The following RBFOX1 variants were observed in gnomAD, a reference collection of about 807,000 sequenced individuals.
The protein encoded by RBFOX1 is RNA binding fox-1 homolog 1.
A neutral mutation model predicts 57.7 loss-of-function variants in RBFOX1; 8 were observed. The ratio of observed to expected loss-of-function variants is 0.14; its 90% CI spans 0.08 to 0.25. The LOEUF is 0.25. Among genes scored for constraint, RBFOX1 ranks in the 10% least tolerant of loss-of-function variants. The pLI, the probability that RBFOX1 is intolerant of heterozygous loss-of-function variation, is 1.00. For missense variants in RBFOX1, 611 were observed against 548.5 expected (o/e 1.11, Z -1.14); for synonymous variants, 326 against 222.4 (o/e 1.47, Z -4.15).
intron 1 of RBFOX1, among the ~76,000 whole-genome samples, chr16:6,085,650 T>TTGTGTGTGTGTG (rs71142678): frequency 0.011 from 1,665 of 150,572 alleles, 36 homozygotes; most frequent in Admixed American, 0.044. Flanking sequence ...CAGTGTGTGT[T>TTGTGTGTGTGTG]TGTGTGTGTG....
chr16:7,673,568 T>C (rs560140887), intron 13 of RBFOX1, among the ~76,000 whole-genome samples: 2 of 152,238 alleles, frequency 1.3e-5, no homozygotes, highest in East Asian at 1.9e-4. Context: ...CAAAATGCTT[T>C]ATTGGAGCAT....
At chr16:7,474,144 A>T (rs989268061) in intron 4 of RBFOX1, among the ~76,000 whole-genome samples, 9 of 152,050 alleles carry the variant, frequency 5.9e-5, no homozygotes, top group Non-Finnish European at 1.2e-4. Context: ...AAAATTAGCC[A>T]GGCATGGTGG....
intron 3 of RBFOX1, among the ~76,000 whole-genome samples, chr16:6,765,168 G>C (rs575756953): frequency 6.6e-6 from 1 of 152,094 alleles, no homozygotes; most frequent in Non-Finnish European, 1.5e-5. Flanking sequence ...CCTTGCATGA[G>C]GCTCTGAATG....
chr16:7,598,117 A>G (rs1234950027), intron 9 of RBFOX1, among the ~76,000 whole-genome samples: 2 of 152,196 alleles, frequency 1.3e-5, no homozygotes, highest in African/African-American at 4.8e-5. Flanking sequence ...AATTCCTCTC[A>G]AAATAAGTAT....
chr16:6,348,689 G>A (rs866086535), intron 2 of RBFOX1, among the ~76,000 whole-genome samples: 10 of 152,050 alleles, frequency 6.6e-5, no homozygotes, highest in African/African-American at 1.9e-4. Flanking sequence ...GGTGGGGAGC[G>A]TGCCACGTTC....
At chr16:6,214,696 AGG>A (rs2152861038) in intron 1 of RBFOX1, among the ~76,000 whole-genome samples, 3 of 101,178 alleles carry the variant, frequency 3.0e-5, no homozygotes, top group Non-Finnish European at 6.0e-5. Flanking sequence ...GGAGAAGGAA[AGG>A]GGGAGAGGGA....
At chr16:5,511,491 G>A (rs1450210419) in intron 2 of RBFOX1, among the ~76,000 whole-genome samples, 1 of 152,112 alleles carries the variant, frequency 6.6e-6, no homozygotes, top group African/African-American at 2.4e-5. Context: ...ACCAAACATG[G>A]TGAAGAACAA....
At chr16:6,066,320 A>AAAAAAAAAAT (rs1555494616) in intron 1 of RBFOX1, among the ~76,000 whole-genome samples, 2 of 131,668 alleles carry the variant, frequency 1.5e-5, no homozygotes, top group Non-Finnish European at 1.6e-5. Context: ...AAAAAAAAAA[A>AAAAAAAAAAT]GGCATAATTC....
chr16:6,183,738 G>C (rs1056889266), intron 1 of RBFOX1, among the ~76,000 whole-genome samples: 28 of 152,212 alleles, frequency 1.8e-4, no homozygotes, highest in South Asian at 6.2e-4. Flanking sequence ...ACAGCAAGGA[G>C]TTTAGTGTGG....
At chr16:6,369,584 G>C (rs1479301272) in intron 2 of RBFOX1, among the ~76,000 whole-genome samples, 2 of 152,076 alleles carry the variant, frequency 1.3e-5, no homozygotes, top group African/African-American at 4.8e-5. Context: ...CTCGAGGGCT[G>C]GTAGGAAAAA....
chr16:6,730,545 A>G (rs1395898362), intron 3 of RBFOX1, among the ~76,000 whole-genome samples: 1 of 152,186 alleles, frequency 6.6e-6, no homozygotes, highest in East Asian at 1.9e-4. Flanking sequence ...CAATCTATGT[A>G]TCTATGCATC....
intron 11 of RBFOX1, among the ~76,000 whole-genome samples, chr16:7,646,950 T>G (rs1182619957): frequency 6.6e-6 from 1 of 151,992 alleles, no homozygotes; most frequent in Admixed American, 6.5e-5. Flanking sequence ...GGTGGGGGCT[T>G]TGTTTTTGAG....
chr16:7,054,774 A>G (rs1247410734), intron 4 of RBFOX1, among the ~76,000 whole-genome samples: 1 of 152,194 alleles, frequency 6.6e-6, no homozygotes, highest in African/African-American at 2.4e-5. Flanking sequence ...CAGATTTGCT[A>G]TCCAGGATGA....
chr16:7,207,724 A>G (rs1454756635), intron 4 of RBFOX1, among the ~76,000 whole-genome samples: 4 of 152,238 alleles, frequency 2.6e-5, no homozygotes, highest in Non-Finnish European at 2.9e-5. Context: ...GGTTCTCTGT[A>G]AGGCAGTTGC....
intron 1 of RBFOX1, among the ~76,000 whole-genome samples, chr16:6,315,497 GTGGA>G (rs2080976243): frequency 6.7e-6 from 1 of 149,012 alleles, no homozygotes; most frequent in Non-Finnish European, 1.5e-5. Context: ...AGGTAGATAG[GTGGA>G]TGGATGGATG....
intron 3 of RBFOX1, among the ~76,000 whole-genome samples, chr16:6,993,089 G>C (rs1039480957): frequency 2.0e-5 from 3 of 152,126 alleles, no homozygotes; most frequent in African/African-American, 7.2e-5. Context: ...TCTTTTGTTA[G>C]TCTACTGCAT....
At chr16:5,320,214 TG>T (rs2064365021) in intron 1 of RBFOX1, among the ~76,000 whole-genome samples, 1 of 152,236 alleles carries the variant, frequency 6.6e-6, no homozygotes, top group Non-Finnish European at 1.5e-5. Flanking sequence ...TAGCTCATTC[TG>T]GTAGTTGAGA....
chr16:5,656,833 C>T (rs28505235), intron 3 of RBFOX1, among the ~76,000 whole-genome samples: 2,089 of 152,086 alleles, frequency 0.014, 55 homozygotes, highest in African/African-American at 0.048. Flanking sequence ...AACACAGGAA[C>T]AGAAAACCAA....
chr16:6,475,562 A>G (rs191507829), intron 2 of RBFOX1, among the ~76,000 whole-genome samples: 7 of 152,328 alleles, frequency 4.6e-5, no homozygotes, highest in African/African-American at 1.7e-4. Flanking sequence ...AATGGGATTC[A>G]TTTAGAAATG....
Sources: allele counts gnomAD v4.1 joint callset (sites outside exome capture counted in the v4.1 genomes callset), GRCh38; gene constraint gnomAD v4.1.1; transcripts MANE v1.5; gene names NCBI Gene and HGNC (gene_info 2026-07-23, HGNC 2026-07-21).